The following TRPM1 variants were observed in gnomAD, a reference collection of about 807,000 sequenced individuals.
TRPM1 encodes transient receptor potential cation channel subfamily M member 1, also known as TRPM1-203 APA Isoform, Intron 10.
Under a neutral mutation model 149.4 loss-of-function variants are expected in TRPM1, and 113 were observed. The observed-to-expected ratio is 0.76, with a 90% CI of 0.65 to 0.88. The LOEUF is 0.88. TRPM1 is among the 40% of genes least tolerant of loss of function. The probability of loss-of-function intolerance (pLI) is 0.00; values close to 1 mark genes in which losing one functional copy is unlikely to be tolerated. For synonymous variants in TRPM1, 741 were observed against 759.5 expected, an observed-to-expected ratio of 0.98 and a Z score of 0.40; for missense variants, 1,976 against 2,038.7, an observed-to-expected ratio of 0.97 and a Z score of 0.59.
chr15:31,068,744 CAAAAAAAAA>C (rs60411633), intron 4 of TRPM1, among the ~76,000 whole-genome samples: 2 of 60,214 alleles, frequency 3.3e-5, no homozygotes, highest in African/African-American at 1.3e-4. Flanking sequence ...AACTCCAACT[CAAAAAAAAA>C]AAAAAAAAAA....
intron 11 of TRPM1, among the ~76,000 whole-genome samples, chr15:31,058,863 C>T (rs539247296): frequency 2.0e-5 from 3 of 152,278 alleles, no homozygotes; most frequent in South Asian, 2.1e-4. Context: ...GGGTGGGTCA[C>T]TTGAGGTCAG....
chr15:31,061,557 A>C (rs774667255), intron 9 of TRPM1, 43 bp from the exon 10 acceptor site: 1 of 1,561,944 alleles, frequency 6.4e-7, no homozygotes, highest in Non-Finnish European at 8.8e-7. Flanking sequence ...GTTGAAAACA[A>C]GAAGGAGATA....
intron 3 of TRPM1, among the ~76,000 whole-genome samples, chr15:31,073,520 A>G (rs767977625): frequency 1.1e-4 from 17 of 152,112 alleles, no homozygotes; most frequent in Non-Finnish European, 1.9e-4. Flanking sequence ...TTGCAAGTGT[A>G]TAGAAATACA....
intron 1 of TRPM1, among the ~76,000 whole-genome samples, chr15:31,124,275 A>T (rs2035916458): frequency 6.7e-6 from 1 of 149,238 alleles, no homozygotes; most frequent in Non-Finnish European, 1.5e-5. Flanking sequence ...ACAGAGTGAG[A>T]CTCCGTCTAT....
upstream of TRPM1, among the ~76,000 whole-genome samples, chr15:31,104,695 A>G (rs936459248): frequency 4.3e-4 from 62 of 145,474 alleles, no homozygotes; most frequent in Non-Finnish European, 4.9e-4. Flanking sequence ...CCAGGTTCAC[A>G]CCATTCTCCT....
At position 31,060,624 on chromosome 15, in the gene TRPM1, C is replaced by T. The variant is rs965568363; in HGVS notation, c.1183G>A (p.Asp395Asn). The T allele has an allele frequency of 1.2e-6, 2 of 1,614,186 alleles. No homozygotes were observed. The highest frequency in any genetic ancestry group is 2.2e-5 in the East Asian group (1 of 44,894). ...CAAGCCAGTGCCAAGCTCAGCTGAT[C>T]TGGAGCAGATACGTTTGTTCCTGGA... ...LLKGTNVSAP[D>N]QLSLALAWNR... The change falls in exon 11 of 28, where the codon GAT becomes AAT. Residue 395 changes from aspartate to asparagine, a missense_variant. Coordinates refer to ENST00000256552, the MANE Select transcript of TRPM1 (RefSeq NM_001252024.2).
At position 31,156,795 on chromosome 15, in the gene TRPM1, T is replaced by C. The variant is rs184956557; in HGVS notation, c.54+4111A>G. Among the ~76,000 whole-genome samples, 1,169 of 152,366 alleles carry C rather than the reference T, an allele frequency of 7.7e-3. 14 individuals are homozygous for C. Among genetic ancestry groups the C allele is most frequent in the South Asian group, 0.022 (104 of 4,826 alleles). On this transcript the variant is annotated intron_variant, in intron 1 of 26. Coordinates refer to the TRPM1 transcript ENST00000542188. Reference sequence around the variant, plus strand: ...ATATTTGGCTCAGAATAAATGTCTTTAAATGTTTCACAGAGTTTGACTATT... The same window carrying C: ...ATATTTGGCTCAGAATAAATGTCTTCAAATGTTTCACAGAGTTTGACTATT...
chr15:31,047,158 G>A lies in TRPM1; in HGVS notation c.1717C>T (p.Arg573Trp), dbSNP rs1288598838. 4 of 1,614,072 alleles carry A rather than the reference G, an allele frequency of 2.5e-6. No individual in the cohort carries two copies. The South Asian group carries it at 4.4e-5, about 18-fold the overall frequency. ...TTGTAAAGGGTCCGAAAGTTTTTCC[G>A]AGTGTAGTTGCAGCGGTAGGCTCCT... ...MGGAYRCNYT[R>W]KNFRTLYNNL... The change falls in exon 15 of 28, where the codon CGG (arginine) becomes TGG (tryptophan). Residue 573 changes from arginine to tryptophan, a missense_variant. Arg to Trp is a moderately radical substitution (Grantham distance 101, BLOSUM62 -3). Around this residue, in one of 3 missense-constraint regions of TRPM1, gnomAD observed 1,332 missense variants for 1,347.1 expected, o/e 0.99. Transcript: ENST00000256552.
At chr15:31,148,961 A>C (rs2036257623) in intron 1 of TRPM1, among the ~76,000 whole-genome samples, 1 of 152,206 alleles carries the variant, frequency 6.6e-6, no homozygotes, top group African/African-American at 2.4e-5. Context: ...GATGCCCTGC[A>C]CAGCACACAC....
At chr15:31,149,580 C>A (rs1057270184) in intron 1 of TRPM1, among the ~76,000 whole-genome samples, 2 of 143,610 alleles carry the variant, frequency 1.4e-5, no homozygotes, top group African/African-American at 5.3e-5. Flanking sequence ...ACTGCAGTGG[C>A]GCGATCTTGG....
At chr15:31,062,957 T>C in intron 8 of TRPM1, 161 bp downstream of exon 8, 2 of 1,069,040 alleles carry the variant, frequency 1.9e-6, no homozygotes, top group Non-Finnish European at 2.8e-6. Flanking sequence ...CCTCTGATGG[T>C]TCCCCTGGAT....
In TRPM1 at chr15:31,026,944, C is replaced by T. The variant is rs1330231062; in HGVS notation, c.3467G>A (p.Gly1156Glu). The T allele has an allele frequency of 3.7e-6, 6 of 1,613,988 alleles. No individual in the cohort carries two copies. The South Asian group carries it at 6.6e-5, about 18-fold the overall frequency. ...TCCACGATCCCGTTCCTCTTGGTCCCCTTCTCTCTTTTTCCTGCAGCGGCC... is the reference window on the plus strand; with the variant it reads ...TCCACGATCCCGTTCCTCTTGGTCCTCTTCTCTCTTTTTCCTGCAGCGGCC... ...LSGRCRKKRE[G>E]DQEERDRGLK... is the part of the protein sequence containing the mutation. Residue 1156 changes from glycine (G) to glutamate (E), a missense_variant, in exon 26 of 28, where the codon GGG (glycine) becomes GAG (glutamate). This residue lies in a region of TRPM1 where 572 missense variants were observed against 578.9 expected (regional missense o/e 0.99). Coordinates refer to ENST00000256552, the MANE Select transcript of TRPM1 (RefSeq NM_001252024.2).
chr15:31,001,897 T>G lies in TRPM1; in HGVS notation c.4803A>C (p.Leu1601Phe). The G allele has an allele frequency of 6.2e-7, 1 of 1,614,146 alleles. No homozygotes were observed. The highest frequency in any genetic ancestry group is 8.5e-7 in the Non-Finnish European group (1 of 1,180,036). ...CTGCTGTCATTCCAGACACAATTACTAAGCTGCTTACACTACTGGCATGTC... is the reference window on the plus strand; with the variant it reads ...CTGCTGTCATTCCAGACACAATTACGAAGCTGCTTACACTACTGGCATGTC... ...RSGHASSVSS[L>F]VIVSGMTAEE... Residue 1601 changes from leucine to phenylalanine, a missense_variant, in exon 28 of 28, where the codon TTA (leucine) becomes TTC (phenylalanine). Transcript: ENST00000256552.
chr15:31,067,150 G>A lies in TRPM1; in HGVS notation c.531C>T (p.His177=). 1.2e-6 allele frequency: 2 copies of A among 1,614,130 alleles called. No individual in the cohort carries two copies. Among genetic ancestry groups the A allele is most frequent in the Non-Finnish European group, 1.7e-6 (2 of 1,180,028 alleles). ...AAACCCGGCCTCTGGACTTGGAGGA[G>A]TGGTCTTTCAAGGCATCCCCTACGT... The part of the protein sequence containing the change: ...ISHVGDALKD[H]SSKSRGRVCA... The change falls in exon 6 of 28, where the codon CAC becomes CAT. Residue 177 remains histidine (H), a synonymous_variant. Transcript: ENST00000256552.
intron 1 of TRPM1, among the ~76,000 whole-genome samples, chr15:31,086,040 TG>T (rs1165958026): frequency 6.6e-6 from 1 of 151,326 alleles, no homozygotes. Context: ...AAAGGAAAAC[TG>T]GGCTGGGTGT....
intron 27 of TRPM1, among the ~76,000 whole-genome samples, chr15:31,011,121 A>G (rs1177401106): frequency 6.6e-6 from 1 of 152,156 alleles, no homozygotes; most frequent in East Asian, 1.9e-4. Context: ...TACTGTTTGC[A>G]TGAAATGTCT....
chr15:31,109,626 G>A (rs149425632), intron 1 of TRPM1, among the ~76,000 whole-genome samples: 1,942 of 151,320 alleles, frequency 0.013, 17 homozygotes, highest in Non-Finnish European at 0.019. Context: ...CTTGAACCTG[G>A]GAGGCAAAGG....
At chr15:31,158,429 C>T (rs976510809) in intron 1 of TRPM1, among the ~76,000 whole-genome samples, 1 of 151,964 alleles carries the variant, frequency 6.6e-6, no homozygotes, top group Non-Finnish European at 1.5e-5. Flanking sequence ...AGATTGAGAC[C>T]ATCCTGGCTA....
intron 1 of TRPM1, among the ~76,000 whole-genome samples, chr15:31,153,363 C>T (rs755333548): frequency 2.6e-5 from 4 of 152,180 alleles, no homozygotes; most frequent in African/African-American, 7.2e-5. Context: ...CTCACTTTGC[C>T]GCCTAGGCTG....
Sources: allele counts gnomAD v4.1 joint callset (sites outside exome capture counted in the v4.1 genomes callset), GRCh38; gene constraint gnomAD v4.1.1; regional missense constraint gnomAD v4.1.1; transcripts MANE v1.5; gene names NCBI Gene and HGNC (gene_info 2026-07-23, HGNC 2026-07-21).